ECI2: variants seen among roughly 807,000 people sequenced by gnomAD.
ECI2 encodes the protein D3,D2-enoyl-CoA isomerase.
Under a neutral mutation model 38.4 loss-of-function variants are expected in ECI2, and 27 were observed. The observed-to-expected ratio is 0.70, with a 90% confidence interval of 0.52 to 0.97. ECI2 has a LOEUF of 0.97. Among genes scored for constraint, ECI2 ranks in the 50% least tolerant of loss-of-function variants. The pLI is 0.00. For synonymous variants in ECI2, 168 were observed against 172.0 expected (o/e 0.98, Z 0.18); for missense variants, 470 against 474.4 (o/e 0.99, Z 0.09).
chr6:4,118,745 C>T (rs71553907), intron 8 of ECI2: 32,507 of 153,874 alleles, frequency 0.21, 3,727 homozygotes, highest in Middle Eastern at 0.29. Context: ...TCTGTTGGTA[C>T]TTACTGTAAC....
At chr6:4,126,940 C>A (rs1344886091) in intron 5 of ECI2, among the ~76,000 whole-genome samples, 1 of 152,180 alleles carries the variant, frequency 6.6e-6, no homozygotes, top group Non-Finnish European at 1.5e-5. Context: ...TCCATCACCC[C>A]AAAAGTTTCC....
In ECI2 at chr6:4,119,275, C is replaced by T; in HGVS notation, c.796G>A (p.Ala266Thr). The change falls in exon 8 of 10, where the codon GCA becomes ACA. Residue 266 changes from alanine (A) to threonine (T), a missense_variant and splice_region_variant. By Grantham distance (58) the Ala-to-Thr change is moderately conservative. Transcript: ENST00000380118. ...TGACTAAATGGTGTATGAAATGTTG[C>T]CTGCAGAGGCAGGAGAGAAAAGAAA... ...LFDAVYASDRATFHTPFSHLG... is the reference protein window; with the variant it reads ...LFDAVYASDRTTFHTPFSHLG... 1 of 1,605,584 alleles carries T rather than the reference C, an allele frequency of 6.2e-7. No homozygotes were observed. The highest frequency in any genetic ancestry group is 8.5e-7 in the Non-Finnish European group (1 of 1,175,716).
chr6:4,122,371 C>A lies in ECI2; in HGVS notation c.795+2879G>T, dbSNP rs180912414. On this transcript the variant is annotated intron_variant, in intron 7 of 9. Transcript: ENST00000380118. ...GAGCAGTTGGGATTATAGGCGTGCA[C>A]CACCACACCCAGCTCATTTTTGTAT... is the stretch of plus-strand genomic sequence containing the variant. Among the ~76,000 whole-genome samples, 321 of 152,202 alleles carry A rather than the reference C, an allele frequency of 2.1e-3. 1 individual carries two copies. The highest frequency in any genetic ancestry group is 7.4e-3 in the African/African-American group (309 of 41,518).
chr6:4,130,267 G>T, intron 4 of ECI2, 105 bp downstream of exon 4: 7 of 1,613,346 alleles, frequency 4.3e-6, no homozygotes, highest in Non-Finnish European at 5.9e-6. Context: ...AATCAAACAA[G>T]AGATATCTTA....
At chr6:4,119,084 G>C in intron 8 of ECI2, 102 bp downstream of exon 8, 1 of 938,766 alleles carries the variant, frequency 1.1e-6, no homozygotes, top group Non-Finnish European at 1.6e-6. Context: ...CTTCTCTTTT[G>C]TCCATATTAC....
At chr6:4,132,648 ATT>A (rs543072281) in intron 2 of ECI2, among the ~76,000 whole-genome samples, 102 of 152,334 alleles carry the variant, frequency 6.7e-4, no homozygotes, top group Non-Finnish European at 1.2e-3. Context: ...TAGTTTTTAA[ATT>A]TTGTTATAAA....
intron 6 of ECI2, chr6:4,125,783 C>T (rs12207156): frequency 0.011 from 4,747 of 425,236 alleles, 50 homozygotes; most frequent in Non-Finnish European, 0.014. Context: ...CAAGACTCCT[C>T]CGAGTCTCCT....
intron 4 of ECI2, among the ~76,000 whole-genome samples, chr6:4,128,160 T>C (rs1377763994): frequency 6.6e-6 from 1 of 151,870 alleles, no homozygotes; most frequent in Non-Finnish European, 1.5e-5. Context: ...GGAATTAACA[T>C]GTTCAAATGA....
chr6:4,129,919 C>T lies in ECI2; in HGVS notation c.501+453G>A, dbSNP rs569755015. Among the ~76,000 whole-genome samples the T allele has an allele frequency of 2.1e-4, 32 of 152,100 alleles. No homozygotes were observed. In the South Asian group the frequency reaches 5.6e-3, roughly 27 times the overall value. ...ACCGAGTGAAGCAGCTACTTTAAAG[C>T]GGAGCTGGGTGATAATTTGTTTAAG... On this transcript the variant is annotated intron_variant, in intron 4 of 9. Transcript: ENST00000380118.
chr6:4,129,389 C>T lies in ECI2; in HGVS notation c.501+983G>A, dbSNP rs534318423. Among the ~76,000 whole-genome samples the T allele has an allele frequency of 3.9e-5, 6 of 152,300 alleles. No homozygotes were observed. The East Asian group carries it at 1.2e-3, about 29-fold the overall frequency. ...TTGGCCTCCCAAAGTGCTGGGATTA[C>T]AGGGGTGAGCCACCACGACTGGCTA... On this transcript the variant is annotated intron_variant, in intron 4 of 9. Coordinates refer to ENST00000380118, the MANE Select transcript of ECI2 (RefSeq NM_206836.3).
chr6:4,126,885 T>A (rs1353794038), intron 5 of ECI2, among the ~76,000 whole-genome samples: 1 of 152,148 alleles, frequency 6.6e-6, no homozygotes, highest in Non-Finnish European at 1.5e-5. Flanking sequence ...TTTAATAATT[T>A]TAAATACCCA....
At position 4,125,247 on chromosome 6, in the gene ECI2, T is replaced by C. The variant is rs774430756; in HGVS notation, c.795+3A>G. ...ACCTCTTGCTTTCTAGGAGCTGACT[T>C]ACCCTGTCAGATGCATACACGGCAT... On this transcript the variant is annotated splice_donor_region_variant and intron_variant, in intron 7 of 9. Transcript: ENST00000380118. 6 of 1,613,832 alleles carry C rather than the reference T, an allele frequency of 3.7e-6. No individual in the cohort carries two copies. The highest frequency in any genetic ancestry group is 4.2e-6 in the Non-Finnish European group (5 of 1,179,984).
intron 9 of ECI2, 87 bp from the exon 10 acceptor site, chr6:4,116,116 C>T (rs1772251441): frequency 1.2e-5 from 18 of 1,460,204 alleles, no homozygotes; most frequent in East Asian, 2.4e-5. Context: ...TTGGGGAGGC[C>T]GAGGCGGGCA....
intron 2 of ECI2, among the ~76,000 whole-genome samples, chr6:4,132,691 T>C (rs1194521656): frequency 6.6e-6 from 1 of 152,200 alleles, no homozygotes; most frequent in Admixed American, 6.5e-5. Flanking sequence ...TAGAATACTA[T>C]AATGAATTCC....
intron 6 of ECI2, 51 bp downstream of exon 6, chr6:4,126,084 G>C (rs754399136): frequency 6.9e-7 from 1 of 1,458,578 alleles, no homozygotes; most frequent in Non-Finnish European, 9.6e-7. Context: ...ATACCACTTT[G>C]ATGACTAAGA....
chr6:4,124,144 T>A (rs1458948302), intron 7 of ECI2, among the ~76,000 whole-genome samples: 1 of 152,192 alleles, frequency 6.6e-6, no homozygotes, highest in Non-Finnish European at 1.5e-5. Context: ...ATCAGTCATC[T>A]AATACACAGA....
intron 4 of ECI2, 113 bp from the exon 5 acceptor site, chr6:4,127,944 T>G (rs1018374557): frequency 1.1e-6 from 1 of 947,914 alleles, no homozygotes; most frequent in African/African-American, 1.7e-5. Flanking sequence ...TGCCTAACAT[T>G]TATTTTGGTT....
intron 7 of ECI2, among the ~76,000 whole-genome samples, chr6:4,124,384 C>T (rs968514231): frequency 6.6e-6 from 1 of 152,186 alleles, no homozygotes; most frequent in Non-Finnish European, 1.5e-5. Context: ...TACCTCTGAA[C>T]AAAACTAGAA....
At chr6:4,128,714 C>A (rs1460820780) in intron 4 of ECI2, among the ~76,000 whole-genome samples, 1 of 152,148 alleles carries the variant, frequency 6.6e-6, no homozygotes, top group Non-Finnish European at 1.5e-5. Context: ...AGTATAACAA[C>A]AATTTAATAT....
Sources: allele counts gnomAD v4.1 joint callset (sites outside exome capture counted in the v4.1 genomes callset), GRCh38; gene constraint gnomAD v4.1.1; transcripts MANE v1.5; gene names NCBI Gene and HGNC (gene_info 2026-07-23, HGNC 2026-07-21).